The following CYTH3 variants were observed in gnomAD, a reference collection of about 807,000 sequenced individuals.
CYTH3 encodes the protein cytohesin 3, also known as cytohesin-3.
CYTH3 carries 23 observed loss-of-function variants against 55.1 expected under a neutral mutation model. That is an observed-to-expected ratio of 0.42 (90% CI 0.30 to 0.59). The LOEUF (loss-of-function observed/expected upper bound fraction) is 0.59, where lower values mean the gene tolerates loss of function less well. CYTH3 is among the 20% of genes least tolerant of loss of function. CYTH3 has a pLI of 0.20. For missense variants in CYTH3, 413 were observed against 524.8 expected, an observed-to-expected ratio of 0.79 and a Z score of 2.08; for synonymous variants, 249 against 194.9, an observed-to-expected ratio of 1.28 and a Z score of -2.31.
intron 1 of CYTH3, among the ~76,000 whole-genome samples, chr7:6,270,699 T>C (rs1780627504): frequency 6.6e-6 from 1 of 152,208 alleles, no homozygotes; most frequent in Non-Finnish European, 1.5e-5. Context: ...AACAGCATAA[T>C]ACACATCTTT....
At position 6,192,966 on chromosome 7, in the gene CYTH3, T is replaced by C. The variant is rs1412490408; in HGVS notation, c.35-2435A>G. On this transcript the variant is annotated intron_variant, in intron 1 of 12. Coordinates refer to ENST00000350796, the MANE Select transcript of CYTH3 (RefSeq NM_004227.4). ...CAGGTGGATCACCTGAGGTCAGGAG[T>C]TCTGGACCAGTCTGGCCAACATAGT... 2.7e-5 allele frequency among the ~76,000 whole-genome samples: 4 copies of C among 150,214 alleles called. No individual in the cohort carries two copies. The South Asian group carries it at 8.4e-4, about 32-fold the overall frequency.
At chr7:6,212,319 A>T (rs1784337580) in intron 1 of CYTH3, among the ~76,000 whole-genome samples, 1 of 152,192 alleles carries the variant, frequency 6.6e-6, no homozygotes, top group East Asian at 1.9e-4. Flanking sequence ...TGTCCAGTTC[A>T]GTACTGTTAA....
intron 1 of CYTH3, among the ~76,000 whole-genome samples, chr7:6,257,389 G>C (rs1190470274): frequency 2.6e-5 from 4 of 152,116 alleles, no homozygotes; most frequent in African/African-American, 9.7e-5. Context: ...GGACATTCTT[G>C]ATTATTTTAT....
At chr7:6,218,520 G>C (rs1784476032) in intron 1 of CYTH3, among the ~76,000 whole-genome samples, 1 of 152,166 alleles carries the variant, frequency 6.6e-6, no homozygotes, top group African/African-American at 2.4e-5. Flanking sequence ...CTATTTTAAG[G>C]CACAAAATGT....
intron 4 of CYTH3, among the ~76,000 whole-genome samples, chr7:6,184,981 G>C (rs1022662668): frequency 6.6e-6 from 1 of 152,134 alleles, no homozygotes; most frequent in Non-Finnish European, 1.5e-5. Flanking sequence ...TGCACTACTT[G>C]GGTCCCCTTA....
At chr7:6,212,840 T>C (rs1295933223) in intron 1 of CYTH3, 1 of 152,256 alleles carries the variant, frequency 6.6e-6, no homozygotes, top group Non-Finnish European at 1.5e-5. Context: ...GCTTCAGCTC[T>C]TGCCCATTGT....
chr7:6,188,322 G>C (rs1726307229), intron 2 of CYTH3, among the ~76,000 whole-genome samples: 1 of 150,394 alleles, frequency 6.6e-6, no homozygotes, highest in South Asian at 2.1e-4. Context: ...GACAGAGCAA[G>C]ACTTGGTCTC....
At chr7:6,252,584 G>T (rs772816122) in intron 1 of CYTH3, among the ~76,000 whole-genome samples, 1 of 151,960 alleles carries the variant, frequency 6.6e-6, no homozygotes, top group African/African-American at 2.4e-5. Context: ...TTCATACAAT[G>T]AGTTTGCTGT....
intron 11 of CYTH3, 56 bp from the exon 12 acceptor site, chr7:6,165,483 C>T: frequency 6.2e-7 from 1 of 1,609,128 alleles, no homozygotes; most frequent in South Asian, 1.1e-5. Context: ...AGGTTCCCTG[C>T]AGGCAGTGAG....
chr7:6,168,163 C>A (rs1783065058), intron 9 of CYTH3, among the ~76,000 whole-genome samples: 1 of 151,906 alleles, frequency 6.6e-6, no homozygotes, highest in Non-Finnish European at 1.5e-5. Context: ...CGTGCACACA[C>A]AGGTCCACAT....
At chr7:6,191,518 A>T (rs1783803410) in intron 1 of CYTH3, among the ~76,000 whole-genome samples, 1 of 152,020 alleles carries the variant, frequency 6.6e-6, no homozygotes, top group African/African-American at 2.4e-5. Flanking sequence ...TATAAATGTG[A>T]AGGGGAAACG....
chr7:6,243,217 C>A (rs542276819), intron 1 of CYTH3, among the ~76,000 whole-genome samples: 6 of 152,290 alleles, frequency 3.9e-5, no homozygotes, highest in Admixed American at 2.0e-4. Context: ...GGCATAAGAG[C>A]GCAAACTGCC....
intron 1 of CYTH3, among the ~76,000 whole-genome samples, chr7:6,237,742 T>G (rs1779562253): frequency 6.6e-6 from 1 of 152,006 alleles, no homozygotes; most frequent in African/African-American, 2.4e-5. Flanking sequence ...ACACATGCAA[T>G]GTTTATTTCC....
intron 1 of CYTH3, among the ~76,000 whole-genome samples, chr7:6,250,375 C>G (rs1779931045): frequency 6.6e-6 from 1 of 152,212 alleles, no homozygotes; most frequent in East Asian, 1.9e-4. Flanking sequence ...ACAAGCAAAC[C>G]TAAAAACCTT....
Position 6,224,611 on chromosome 7 carries a change from G to A in CYTH3, c.35-34080C>T, listed in dbSNP as rs141070059. 1.2e-4 allele frequency among the ~76,000 whole-genome samples: 19 copies of A among 152,314 alleles called. No individual in the cohort carries two copies. The East Asian group carries it at 2.5e-3, about 20-fold the overall frequency. ...AATTTAACCATCATACATTGCTGGC[G>A]TGAATGGAAAATGGTTCCATTTTTG... On this transcript the variant is annotated intron_variant, in intron 1 of 12. Transcript: ENST00000350796.
rs1454432536 is a variant in CYTH3, at chr7:6,170,387, C to G, written c.823+148G>C. 1.4e-6 allele frequency: 1 copy of G among 724,764 alleles called. No individual in the cohort carries two copies. Among genetic ancestry groups the G allele is most frequent in the African/African-American group, 1.8e-5 (1 of 55,808 alleles). The allele number at this position is 724,764 out of a possible 1,614,324, so 44.9% of individuals were successfully genotyped here. ...GAAGCAGCCGTGGCCATGCAGCTAC[C>G]GAGAGCGGGCTCTGGCTTAACCGCG... On this transcript the variant is annotated intron_variant, in intron 9 of 12. Coordinates refer to ENST00000350796, the MANE Select transcript of CYTH3 (RefSeq NM_004227.4). The surrounding 1 kb of genome is among the most constrained non-coding windows in gnomAD (Gnocchi z 7.8).
chr7:6,191,901 A>AC (rs1202039414), intron 1 of CYTH3, among the ~76,000 whole-genome samples: 1 of 151,632 alleles, frequency 6.6e-6, no homozygotes, highest in Non-Finnish European at 1.5e-5. Flanking sequence ...ATACAGTGGG[A>AC]CCCCCATCTG....
chr7:6,173,006 G>A (rs965397796), intron 6 of CYTH3: 5 of 1,084,614 alleles, frequency 4.6e-6, no homozygotes, highest in Middle Eastern at 2.7e-4. Flanking sequence ...GATTTTCTTA[G>A]TCCAAGGGCC....
At chr7:6,245,707 C>T (rs1163364718) in intron 1 of CYTH3, among the ~76,000 whole-genome samples, 1 of 152,180 alleles carries the variant, frequency 6.6e-6, no homozygotes, top group Non-Finnish European at 1.5e-5. Flanking sequence ...GACTTGGAGA[C>T]CAGCCTGACC....
Sources: allele counts gnomAD v4.1 joint callset (sites outside exome capture counted in the v4.1 genomes callset), GRCh38; gene constraint gnomAD v4.1.1; non-coding constraint Gnocchi (gnomAD v3.1); transcripts MANE v1.5; gene names NCBI Gene and HGNC (gene_info 2026-07-23, HGNC 2026-07-21).